The following TLL1 variants were observed in gnomAD, a reference collection of about 807,000 sequenced individuals.
TLL1 encodes tolloid-like protein 1.
Under a neutral mutation model 128.2 loss-of-function variants are expected in TLL1, and 49 were observed. That is an observed-to-expected ratio of 0.38 (90% CI 0.30 to 0.48). The LOEUF (loss-of-function observed/expected upper bound fraction) is 0.48. Ranked by LOEUF, TLL1 falls within the 20% of genes least tolerant of loss-of-function variation. The pLI is 0.96. For synonymous variants in TLL1, 454 were observed against 418.8 expected (o/e 1.08, Z -1.03); for missense variants, 1,123 against 1,242.0 (o/e 0.90, Z 1.44).
chr4:166,066,076 A>T (rs1440039952), intron 16 of TLL1, among the ~76,000 whole-genome samples: 1 of 61,576 alleles, frequency 1.6e-5, no homozygotes, highest in Non-Finnish European at 3.1e-5. Context: ...ACCTCCAAAA[A>T]GGGGCAGATT....
chr4:165,934,173 CTTTTTTTTTTT>C (rs779010027), intron 1 of TLL1, among the ~76,000 whole-genome samples: 342 of 108,300 alleles, frequency 3.2e-3, no homozygotes, highest in African/African-American at 0.012. Flanking sequence ...TAATTTTTTG[CTTTTTTTTTTT>C]TTTTTTTTTT....
rs559203268 is a variant in TLL1, at chr4:166,061,297, G to A, written c.2007+1109G>A. On this transcript the variant is annotated intron_variant, in intron 15 of 20. Coordinates refer to ENST00000061240, the MANE Select transcript of TLL1 (RefSeq NM_012464.5). ...GTCTCGCTCTGTTGCCCAGGCTGGA[G>A]TGCAGTGGTGCTATCTTGACTCACT... Among the ~76,000 whole-genome samples, 147 of 148,924 alleles carry A rather than the reference G, an allele frequency of 9.9e-4. 1 individual carries two copies. Among genetic ancestry groups the A allele is most frequent in the African/African-American group, 3.5e-3 (140 of 40,428 alleles).
At chr4:165,985,885 T>G (rs1736371907) in intron 1 of TLL1, among the ~76,000 whole-genome samples, 1 of 151,990 alleles carries the variant, frequency 6.6e-6, no homozygotes, top group Non-Finnish European at 1.5e-5. Flanking sequence ...TCTCTGACAT[T>G]TAATTTTGGC....
In TLL1 at chr4:166,078,020, G is replaced by T; in HGVS notation, c.2432G>T (p.Arg811Leu). The T allele has an allele frequency of 2.5e-6, 4 of 1,613,476 alleles. No homozygotes were observed. The highest frequency in any genetic ancestry group is 3.4e-6 in the Non-Finnish European group (4 of 1,179,632). The change falls in exon 18 of 21, where the codon CGA becomes CTA. Residue 811 changes from arginine (R) to leucine (L), a missense_variant. By Grantham distance (102) the Arg-to-Leu change is moderately radical. This residue lies in a region of TLL1 where 634 missense variants were observed against 672.4 expected (regional missense o/e 0.94). Transcript: ENST00000061240. ...TWEISATPGH[R>L]IKLAFSEFEI... is the part of the protein sequence containing the mutation. ...GAAATCAGCGCCACTCCTGGCCACCGAATCAAATTAGTAAGTGAGCACATC... is the reference window on the plus strand; with the variant it reads ...GAAATCAGCGCCACTCCTGGCCACCTAATCAAATTAGTAAGTGAGCACATC...
chr4:165,984,912 G>A lies in TLL1; in HGVS notation c.170-4469G>A, dbSNP rs114962912. 5.9e-4 allele frequency among the ~76,000 whole-genome samples: 89 copies of A among 152,058 alleles called. 1 individual carries two copies. The highest frequency in any genetic ancestry group is 2.1e-3 in the African/African-American group (86 of 41,534). ...TATTCTTGGAATAGTTAAATATTTAGTATTTTGGTTCTTAAAGCAAATTTG... is the reference window on the plus strand; with the variant it reads ...TATTCTTGGAATAGTTAAATATTTAATATTTTGGTTCTTAAAGCAAATTTG... On this transcript the variant is annotated intron_variant, in intron 1 of 20. Transcript: ENST00000061240.
chr4:166,031,114 G>A (rs1738746328), intron 9 of TLL1, among the ~76,000 whole-genome samples: 1 of 151,966 alleles, frequency 6.6e-6, no homozygotes, highest in South Asian at 2.1e-4. Flanking sequence ...GATTTCTGAA[G>A]GCAGTTTTCC....
In TLL1 at chr4:165,906,866, G is replaced by A. The variant is rs75468237; in HGVS notation, c.169+32793G>A. ...TTTTTTGGTTCAGTGTCATATCCAA[G>A]GAACTGTTCCACCAAGGAATCAGAA... On this transcript the variant is annotated intron_variant, in intron 1 of 20. Coordinates refer to ENST00000061240, the MANE Select transcript of TLL1 (RefSeq NM_012464.5). Among the ~76,000 whole-genome samples the A allele has an allele frequency of 4.2e-3, 601 of 143,014 alleles. 8 individuals are homozygous for A. Among genetic ancestry groups the A allele is most frequent in the African/African-American group, 0.015 (573 of 38,838 alleles). The allele number at this position is 143,014 out of a possible 152,430, so 93.8% of individuals were successfully genotyped here.
At chr4:165,989,014 T>C (rs1736513726) in intron 1 of TLL1, among the ~76,000 whole-genome samples, 1 of 152,166 alleles carries the variant, frequency 6.6e-6, no homozygotes, top group Non-Finnish European at 1.5e-5. Flanking sequence ...GAAGACCTGC[T>C]GCTGGTCATA....
chr4:165,889,769 A>G (rs1412389087), intron 1 of TLL1, among the ~76,000 whole-genome samples: 4 of 152,088 alleles, frequency 2.6e-5, no homozygotes, highest in Non-Finnish European at 5.9e-5. Flanking sequence ...ATCATCAGTC[A>G]TTTCAGTTTT....
chr4:165,969,568 A>G (rs1403366595), intron 1 of TLL1, among the ~76,000 whole-genome samples: 1 of 152,160 alleles, frequency 6.6e-6, no homozygotes, highest in African/African-American at 2.4e-5. Context: ...AAAACGTATG[A>G]AAAATGTCTT....
chr4:166,061,835 G>A, intron 15 of TLL1, among the ~76,000 whole-genome samples: 1 of 152,004 alleles, frequency 6.6e-6, no homozygotes, highest in Non-Finnish European at 1.5e-5. Flanking sequence ...TTCTTCTAGG[G>A]TTTTTGTGGT....
intron 10 of TLL1, among the ~76,000 whole-genome samples, chr4:166,041,724 A>T (rs1359650732): frequency 6.6e-6 from 1 of 152,176 alleles, no homozygotes; most frequent in Non-Finnish European, 1.5e-5. Context: ...ACCTTGATGC[A>T]TCATTTGACC....
chr4:165,938,519 G>T (rs1016779777), intron 1 of TLL1, among the ~76,000 whole-genome samples: 9 of 151,918 alleles, frequency 5.9e-5, no homozygotes, highest in Non-Finnish European at 1.2e-4. Flanking sequence ...CAACTCATTA[G>T]TTGAATACTT....
At chr4:166,021,747 G>A (rs951525387) in intron 8 of TLL1, among the ~76,000 whole-genome samples, 3 of 151,964 alleles carry the variant, frequency 2.0e-5, no homozygotes, top group African/African-American at 7.2e-5. Context: ...TGCCCTCTTA[G>A]TATCTCACAT....
chr4:165,905,620 G>A (rs1732213181), intron 1 of TLL1, among the ~76,000 whole-genome samples: 4 of 152,084 alleles, frequency 2.6e-5, no homozygotes, highest in Non-Finnish European at 4.4e-5. Context: ...TTGTCTTCCT[G>A]TTTACTGGCA....
intron 1 of TLL1, among the ~76,000 whole-genome samples, chr4:165,976,392 G>A (rs567752320): frequency 3.9e-5 from 6 of 152,278 alleles, no homozygotes; most frequent in Non-Finnish European, 7.4e-5. Context: ...CAAGGCATAC[G>A]TTAGGAAGAA....
chr4:166,044,440 T>A (rs1242159372), intron 12 of TLL1: 1 of 1,535,052 alleles, frequency 6.5e-7, no homozygotes, highest in Non-Finnish European at 8.7e-7. Context: ...GCCTGTAAAT[T>A]CTATTTCTTC....
intron 1 of TLL1, among the ~76,000 whole-genome samples, chr4:165,955,809 G>A (rs537032800): frequency 6.6e-6 from 1 of 152,246 alleles, no homozygotes; most frequent in South Asian, 2.1e-4. Flanking sequence ...GGAAATGAAA[G>A]AACACTACCT....
In TLL1 at chr4:165,931,718, C is replaced by CAAAAAA. The variant is rs761214388; in HGVS notation, c.169+57649_169+57650insAAAAAA. On this transcript the variant is annotated intron_variant, in intron 1 of 20. Transcript: ENST00000061240. ...TGGGCGACAGAGTAAGACTCTGTCT[C>CAAAAAA]AAAAGAAAAAAAAAAGAAATTGCAA... Among the ~76,000 whole-genome samples the CAAAAAA allele has an allele frequency of 4.3e-4, 58 of 133,540 alleles. 1 individual carries two copies. The highest frequency in any genetic ancestry group is 1.5e-3 in the African/African-American group (52 of 35,784). 87.6% of individuals were successfully genotyped at this position (133,540 alleles called of 152,430 possible).
Sources: allele counts gnomAD v4.1 joint callset (sites outside exome capture counted in the v4.1 genomes callset), GRCh38; gene constraint gnomAD v4.1.1; regional missense constraint gnomAD v4.1.1; transcripts MANE v1.5; gene names NCBI Gene and HGNC (gene_info 2026-07-23, HGNC 2026-07-21).